Variants in NTNG1 observed in about 807,000 individuals in gnomAD.
NTNG1 encodes netrin G1, also known as netrin-G1.
A neutral mutation model predicts 54.0 loss-of-function variants in NTNG1; 16 were observed. The observed-to-expected ratio is 0.30, with a 90% confidence interval of 0.20 to 0.45. The LOEUF is 0.45. Ranked by LOEUF, NTNG1 falls within the 20% of genes least tolerant of loss-of-function variation. NTNG1 has a pLI of 1.00. For synonymous variants in NTNG1, 255 were observed against 263.1 expected (o/e 0.97, Z 0.30); for missense variants, 530 against 678.7 (o/e 0.78, Z 2.43).
chr1:107,373,131 C>T (rs1012612284), intron 3 of NTNG1, among the ~76,000 whole-genome samples: 1 of 151,890 alleles, frequency 6.6e-6, no homozygotes, highest in African/African-American at 2.4e-5. Flanking sequence ...TATTTATTTT[C>T]TACTTGTCCC....
At chr1:107,350,051 C>G (rs1158795964) in intron 3 of NTNG1, among the ~76,000 whole-genome samples, 1 of 152,096 alleles carries the variant, frequency 6.6e-6, no homozygotes, top group Non-Finnish European at 1.5e-5. Flanking sequence ...TGTACTTTCT[C>G]TCTACGAGTT....
At chr1:107,343,662 AGCTGCTTCTGAGG>A (rs1160298151) in intron 3 of NTNG1, among the ~76,000 whole-genome samples, 1 of 152,124 alleles carries the variant, frequency 6.6e-6, no homozygotes, top group African/African-American at 2.4e-5. Flanking sequence ...TACAATGAAA[AGCTGCTTCTGAGG>A]GCCACCAAAA....
rs895897493 is a variant in NTNG1 at position 107,336,437 on chromosome 1, T to C, written c.887+11515T>C. Among the ~76,000 whole-genome samples the C allele has an allele frequency of 3.3e-5, 5 of 151,734 alleles. No homozygotes were observed. The East Asian group carries it at 5.8e-4, about 18-fold the overall frequency. On this transcript the variant is annotated intron_variant, in intron 3 of 7. Coordinates refer to ENST00000370068, the MANE Select transcript of NTNG1 (RefSeq NM_001113226.3). ...AAGAAAAACAAACCAAAAAAGGAAGTTGGACCCTTACCTTACACCATATAC... is the reference window on the plus strand; with the variant it reads ...AAGAAAAACAAACCAAAAAAGGAAGCTGGACCCTTACCTTACACCATATAC...
chr1:107,265,621 T>C (rs986878971), intron 2 of NTNG1, among the ~76,000 whole-genome samples: 1 of 152,230 alleles, frequency 6.6e-6, no homozygotes, highest in African/African-American at 2.4e-5. Context: ...CTTAGTTATT[T>C]TGAAATCACT....
intron 4 of NTNG1, among the ~76,000 whole-genome samples, chr1:107,397,662 G>GT (rs566178515): frequency 4.4e-4 from 67 of 151,752 alleles, no homozygotes; most frequent in Non-Finnish European, 8.5e-4. Context: ...TTTATTTTTA[G>GT]TTTTTTTCAT....
intron 2 of NTNG1, among the ~76,000 whole-genome samples, chr1:107,235,354 C>T (rs1661335558): frequency 6.6e-6 from 1 of 152,190 alleles, no homozygotes; most frequent in Admixed American, 6.5e-5. Context: ...TCCGGAGAGA[C>T]AGGCACATTA....
chr1:107,263,907 A>G (rs1338502292), intron 2 of NTNG1, among the ~76,000 whole-genome samples: 3 of 152,166 alleles, frequency 2.0e-5, no homozygotes, highest in Non-Finnish European at 4.4e-5. Flanking sequence ...ACCCAAACAC[A>G]TCTTGATGAA....
intron 2 of NTNG1, among the ~76,000 whole-genome samples, chr1:107,251,959 G>C (rs1167185106): frequency 6.6e-6 from 1 of 152,178 alleles, no homozygotes; most frequent in Non-Finnish European, 1.5e-5. Flanking sequence ...TTTAGTTTAA[G>C]AGAGTAGGCT....
At chr1:107,376,734 C>T (rs1054810891) in intron 3 of NTNG1, among the ~76,000 whole-genome samples, 2 of 152,162 alleles carry the variant, frequency 1.3e-5, no homozygotes, top group Non-Finnish European at 2.9e-5. Context: ...TAATTGCTGA[C>T]ATAGTATCTC....
At chr1:107,233,581 G>T (rs1661207076) in intron 2 of NTNG1, among the ~76,000 whole-genome samples, 1 of 152,150 alleles carries the variant, frequency 6.6e-6, no homozygotes, top group African/African-American at 2.4e-5. Flanking sequence ...AAAACATTCA[G>T]CATGGTGGTC....
Position 107,184,973 on chromosome 1 carries a change from T to G in NTNG1, c.246+36134T>G, listed in dbSNP as rs111755225. On this transcript the variant is annotated intron_variant, in intron 2 of 7. Transcript: ENST00000370068. ...GACAAGTTGACATCTGGGATTGGGA[T>G]CATCTTGAGTTGAGGTGTCTCCTCA... is the stretch of plus-strand genomic sequence containing the variant. Among the ~76,000 whole-genome samples, 3 of 152,222 alleles carry G rather than the reference T, an allele frequency of 2.0e-5. 1 individual carries two copies. Among genetic ancestry groups the G allele is most frequent in the African/African-American group, 7.2e-5 (3 of 41,554 alleles).
At chr1:107,416,319 A>G (rs1674199141) in intron 5 of NTNG1, among the ~76,000 whole-genome samples, 1 of 152,140 alleles carries the variant, frequency 6.6e-6, no homozygotes, top group Admixed American at 6.6e-5. Flanking sequence ...ATTTGAAAAA[A>G]AAAAGTCGAA....
chr1:107,306,559 TGGCCAAGATGGTGA>T (rs1313912935), intron 2 of NTNG1, among the ~76,000 whole-genome samples: 10 of 152,138 alleles, frequency 6.6e-5, no homozygotes, highest in Admixed American at 6.5e-4. Flanking sequence ...AAAACTAGCC[TGGCCAAGATGGTGA>T]AACCCTGCCT....
intron 7 of NTNG1, among the ~76,000 whole-genome samples, chr1:107,438,070 TAAC>T (rs1675721885): frequency 6.6e-6 from 1 of 152,132 alleles, no homozygotes; most frequent in African/African-American, 2.4e-5. Context: ...TCTATAATAA[TAAC>T]TGTGTAGATC....
At chr1:107,195,400 T>G (rs1444132743) in intron 2 of NTNG1, among the ~76,000 whole-genome samples, 3 of 152,026 alleles carry the variant, frequency 2.0e-5, no homozygotes, top group Non-Finnish European at 2.9e-5. Flanking sequence ...TACTCCTGCC[T>G]TTGCCTCCCC....
chr1:107,472,645 C>T (rs1285434493), intron 7 of NTNG1, among the ~76,000 whole-genome samples: 1 of 152,148 alleles, frequency 6.6e-6, no homozygotes, highest in Non-Finnish European at 1.5e-5. Context: ...TGACGCTCAG[C>T]CAATGTGTTT....
At chr1:107,357,192 A>G (rs1330164456) in intron 3 of NTNG1, among the ~76,000 whole-genome samples, 1 of 152,218 alleles carries the variant, frequency 6.6e-6, no homozygotes, top group East Asian at 1.9e-4. Context: ...CCTAGGTTAC[A>G]GAGGACTAAC....
At chr1:107,297,807 A>T (rs1666075336) in intron 2 of NTNG1, among the ~76,000 whole-genome samples, 1 of 152,138 alleles carries the variant, frequency 6.6e-6, no homozygotes, top group Admixed American at 6.6e-5. Context: ...CATAAATCTG[A>T]TCTATTTCAT....
intron 2 of NTNG1, among the ~76,000 whole-genome samples, chr1:107,311,914 A>G (rs1487032173): frequency 6.6e-6 from 1 of 152,190 alleles, no homozygotes; most frequent in Non-Finnish European, 1.5e-5. Context: ...GTGAAAAACT[A>G]AAACGTATGT....
Sources: allele counts gnomAD v4.1 joint callset (sites outside exome capture counted in the v4.1 genomes callset), GRCh38; gene constraint gnomAD v4.1.1; transcripts MANE v1.5; gene names NCBI Gene and HGNC (gene_info 2026-07-23, HGNC 2026-07-21).